PHB2: variants seen among roughly 807,000 people sequenced by gnomAD.
The protein encoded by PHB2 is prohibitin-2.
In PHB2, 22 loss-of-function variants were observed where a neutral mutation model predicts 46.4. That is an observed-to-expected ratio of 0.47 (90% CI 0.34 to 0.68). The LOEUF is 0.68. Among genes scored for constraint, PHB2 ranks in the 30% least tolerant of loss-of-function variants. The pLI, the probability that PHB2 is intolerant of heterozygous loss-of-function variation, is 0.01. For missense variants in PHB2, 305 were observed against 382.8 expected, an observed-to-expected ratio of 0.80 and a Z score of 1.70; for synonymous variants, 156 against 150.5, an observed-to-expected ratio of 1.04 and a Z score of -0.27.
rs1367856475 is a variant in PHB2 at position 6,965,469 on chromosome 12, A to G, written c.*216T>C. 2.6e-5 allele frequency: 16 copies of G among 609,952 alleles called. No individual in the cohort carries two copies. Among genetic ancestry groups the G allele is most frequent in the Middle Eastern group, 4.4e-4 (1 of 2,288 alleles). 37.8% of individuals were successfully genotyped at this position (609,952 alleles called of 1,614,324 possible). ...ACTGAGAAATCACGCACTGTCCCCA[A>G]CAGCCCCAGTTAACACAGGGAGGAG... On this transcript the variant is annotated 3_prime_UTR_variant, in exon 10 of 10. Transcript: ENST00000535923.
Position 6,967,248 on chromosome 12 carries a change from G to T in PHB2, c.712C>A (p.Leu238Ile), listed in dbSNP as rs1012379797. Residue 238 changes from leucine to isoleucine, a missense_variant and splice_region_variant, in exon 7 of 10, where the codon CTT becomes ATT. Around this residue, in one of 3 missense-constraint regions of PHB2, gnomAD observed 241 missense variants for 302.7 expected, o/e 0.80. Coordinates refer to ENST00000535923, the MANE Select transcript of PHB2 (RefSeq NM_001144831.2). This position sits in a 1 kb window ranked among gnomAD's most constrained non-coding sequence, Gnocchi z 4.9. ...GGGTTCTTGCTCAGTGCTTCTCCAA[G>T]GTGAGGAGGGTTAAGGTACACGCAA... ...AEGEAEAAKM[L>I]GEALSKNPGY... 1 of 1,613,624 alleles carries T rather than the reference G, an allele frequency of 6.2e-7. No individual in the cohort carries two copies. The highest frequency in any genetic ancestry group is 1.3e-5 in the African/African-American group (1 of 74,942).
rs1555151179 is a variant in PHB2, at chr12:6,968,007, G to A, written c.492C>T (p.Ile164=). ...ITQRAQVSLL[I]RRELTERAKD... is the part of the protein sequence containing the mutation. ...TGGCCCTCTCTGTCAGCTCCCGGCG[G>A]ATCAACAGGGATACCTGAGGGCAGG... The change falls in exon 5 of 10, where the codon ATC becomes ATT. Residue 164 remains isoleucine, a synonymous_variant. Coordinates refer to ENST00000535923, the MANE Select transcript of PHB2 (RefSeq NM_001144831.2). The A allele has an allele frequency of 6.2e-7, 1 of 1,604,214 alleles. No individual in the cohort carries two copies. The highest frequency in any genetic ancestry group is 8.5e-7 in the Non-Finnish European group (1 of 1,172,860).
rs782488159 is a variant in PHB2, at chr12:6,965,919, G to A, written c.867-3C>T. 16 of 1,598,762 alleles carry A rather than the reference G, an allele frequency of 1.0e-5. No individual in the cohort carries two copies. The highest frequency in any genetic ancestry group is 1.3e-5 in the Non-Finnish European group (15 of 1,179,352). On this transcript the variant is annotated splice_polypyrimidine_tract_variant and splice_region_variant and intron_variant, in intron 8 of 9. Transcript: ENST00000535923. ...AAGCAACAACAGCTTACCTTCCCCT[G>A]TGGTGCCAGATCGCCAGATGAACAA... is the stretch of plus-strand genomic sequence containing the variant.
rs782386763 is a variant in PHB2 at position 6,967,569 on chromosome 12, G to A, written c.711+107C>T. ...CCCCAACAAGGAGCCAAGGGCCAGA[G>A]AGCACGGAGTCGCATTCGCCTTAGT... On this transcript the variant is annotated intron_variant, in intron 6 of 9. Transcript: ENST00000535923. The surrounding 1 kb of genome is among the most constrained non-coding windows in gnomAD (Gnocchi z 4.9). The A allele has an allele frequency of 2.0e-6, 2 of 1,004,514 alleles. No homozygotes were observed. The highest frequency in any genetic ancestry group is 3.1e-5 in the African/African-American group (2 of 63,626). 62.2% of individuals were successfully genotyped at this position (1,004,514 alleles called of 1,614,324 possible). A position where few individuals can be genotyped will look rare whatever the true frequency, so the allele number is the denominator to read the frequency against.
At chr12:6,969,899 CA>C (rs782140561) in intron 2 of PHB2, 52,090 of 449,294 alleles carry the variant, frequency 0.12, 1 homozygote, top group South Asian at 0.14. Flanking sequence ...ACTCCCTCTC[CA>C]AAAAAAAAAA....
At chr12:6,965,768 C>T (rs1418316784) in intron 9 of PHB2, 56 bp from the exon 10 acceptor site, 12 of 1,563,760 alleles carry the variant, frequency 7.7e-6, no homozygotes, top group Non-Finnish European at 1.1e-5. Flanking sequence ...ATGTGAGAGG[C>T]AGGACACTCT....
At chr12:6,969,265 G>C (rs1232710101) in intron 3 of PHB2, among the ~76,000 whole-genome samples, 2 of 152,158 alleles carry the variant, frequency 1.3e-5, no homozygotes, top group Non-Finnish European at 2.9e-5. Context: ...ACAAGACGAG[G>C]GACAAACAAT....
chr12:6,966,368 C>T, intron 8 of PHB2, 56 bp downstream of exon 8: 1 of 1,097,728 alleles, frequency 9.1e-7, no homozygotes, highest in Non-Finnish European at 1.4e-6. Flanking sequence ...GCCCAAACAA[C>T]CAGACTCAGG....
chr12:6,965,516 G>A lies in PHB2; in HGVS notation c.*169C>T, dbSNP rs1565588819. 1 of 666,094 alleles carries A rather than the reference G, an allele frequency of 1.5e-6. No individual in the cohort carries two copies. Among genetic ancestry groups the A allele is most frequent in the Non-Finnish European group, 2.7e-6 (1 of 367,176 alleles). The allele number at this position is 666,094 out of a possible 1,614,324, so 41.3% of individuals were successfully genotyped here. On this transcript the variant is annotated 3_prime_UTR_variant, in exon 10 of 10. Transcript: ENST00000535923. The stretch of plus-strand genomic sequence containing the variant: ...GGAGGAAAGTAATTCCCCAGAAAAG[G>A]GGCTAGTCTTCAGTCTTCCTTAATC...
intron 4 of PHB2, 47 bp from the exon 5 acceptor site, chr12:6,968,068 C>A (rs1254253310): frequency 7.8e-6 from 12 of 1,533,684 alleles, no homozygotes; most frequent in Non-Finnish European, 1.1e-5. Context: ...TTTGAGGGGA[C>A]TGGGGAGCTG....
At chr12:6,970,353 G>C in intron 1 of PHB2, 64 bp downstream of exon 1, 1 of 1,604,030 alleles carries the variant, frequency 6.2e-7, no homozygotes, top group Non-Finnish European at 8.5e-7. Flanking sequence ...AGGGGCGCGG[G>C]GACAGGGCAA....
In PHB2 at chr12:6,965,599, G is replaced by A; in HGVS notation, c.*86C>T. The A allele has an allele frequency of 9.6e-7, 1 of 1,040,514 alleles. No individual in the cohort carries two copies. Among genetic ancestry groups the A allele is most frequent in the East Asian group, 2.5e-5 (1 of 40,786 alleles). The allele number at this position is 1,040,514 out of a possible 1,614,324, so 64.5% of individuals were successfully genotyped here. ...CATCGCATGATACTGGGGCGGGGTA[G>A]GGCTGTGCTGGACCCCTGGCTGGCT... On this transcript the variant is annotated 3_prime_UTR_variant, in exon 10 of 10. Coordinates refer to ENST00000535923, the MANE Select transcript of PHB2 (RefSeq NM_001144831.2).
At chr12:6,970,698 CT>C, upstream of PHB2, 1 of 1,012,574 alleles carries the variant, frequency 9.9e-7, no homozygotes. Context: ...CTTTGAAACC[CT>C]CCCCCTTAGC....
chr12:6,968,282 G>T, intron 4 of PHB2, 129 bp downstream of exon 4: 1 of 741,476 alleles, frequency 1.3e-6, no homozygotes, highest in Non-Finnish European at 2.2e-6. Flanking sequence ...GTGGCAATTA[G>T]CACAGCTTTT....
At position 6,968,163 on chromosome 12, in the gene PHB2, G is replaced by A. The variant is rs1459950535; in HGVS notation, c.478-142C>T. ...CCTGTCAGGCAAACCTGTAACATAA[G>A]CCTCTCTGCTCGAAGAGGTGCAGGA... On this transcript the variant is annotated intron_variant, in intron 4 of 9. Coordinates refer to ENST00000535923, the MANE Select transcript of PHB2 (RefSeq NM_001144831.2). The A allele has an allele frequency of 7.3e-6, 6 of 826,870 alleles. No homozygotes were observed. The African/African-American group carries it at 1.0e-4, about 14-fold the overall frequency. The allele number at this position is 826,870 out of a possible 1,614,324, so 51.2% of individuals were successfully genotyped here. A position where few individuals can be genotyped will look rare whatever the true frequency, so the allele number is the denominator to read the frequency against.
rs1946307684 is a variant in PHB2, at chr12:6,970,586, G to C, written c.-43C>G. On this transcript the variant is annotated 5_prime_UTR_variant, in exon 1 of 10. Transcript: ENST00000535923. The stretch of plus-strand genomic sequence containing the variant: ...GCGGCACTGGAGGTCAGAAGGGGGT[G>C]CCGGCCCGCCTCTACCCCGCTCCGG... 1 of 1,527,140 alleles carries C rather than the reference G, an allele frequency of 6.5e-7. No homozygotes were observed. The highest frequency in any genetic ancestry group is 1.3e-5 in the South Asian group (1 of 77,162). 94.6% of individuals were successfully genotyped at this position (1,527,140 alleles called of 1,614,324 possible). A position where few individuals can be genotyped will look rare whatever the true frequency, so the allele number is the denominator to read the frequency against.
rs1555150970 is a variant in PHB2 at position 6,967,377 on chromosome 12, C to T, written c.712-129G>A. ...TGCGCTCAGGTGGCTTGTGCCCAGC[C>T]CTACCGTGGACCCCACCTGTGGGCC... is the stretch of plus-strand genomic sequence containing the variant. On this transcript the variant is annotated intron_variant, in intron 6 of 9. Transcript: ENST00000535923. The surrounding 1 kb of genome is among the most constrained non-coding windows in gnomAD (Gnocchi z 4.9). The T allele has an allele frequency of 1.2e-6, 2 of 1,608,602 alleles. No individual in the cohort carries two copies. The highest frequency in any genetic ancestry group is 8.5e-7 in the Non-Finnish European group (1 of 1,177,668).
rs781950192 is a variant in PHB2 at position 6,966,592 on chromosome 12, T to C, written c.790-92A>G. 1.8e-5 allele frequency: 15 copies of C among 823,190 alleles called. No individual in the cohort carries two copies. In the African/African-American group the frequency reaches 2.0e-4, roughly 11 times the overall value. The allele number at this position is 823,190 out of a possible 1,614,324, so 51.0% of individuals were successfully genotyped here. ...CAGCAGCTACTTAACATGGAACACA[T>C]GCAGATTAGGGCAGGGGTGCAGCAA... On this transcript the variant is annotated intron_variant, in intron 7 of 9. Transcript: ENST00000535923.
Position 6,967,703 on chromosome 12 carries a change from G to A in PHB2, c.684C>T (p.Ala228=), listed in dbSNP as rs781955146. The A allele has an allele frequency of 6.4e-5, 103 of 1,613,628 alleles. 1 individual carries two copies. The highest frequency in any genetic ancestry group is 3.7e-4 in the South Asian group (34 of 91,078). ...KQEQRQKIVQ[A]EGEAEAAKML... is the part of the protein sequence containing the mutation. Reference sequence around the variant, plus strand: ...TCTTGGCAGCCTCGGCCTCACCCTCGGCCTGCACAATTTTCTGCCGCTGTT... The same window carrying A: ...TCTTGGCAGCCTCGGCCTCACCCTCAGCCTGCACAATTTTCTGCCGCTGTT... The change falls in exon 6 of 10, where the codon GCC becomes GCT. Residue 228 remains alanine, a synonymous_variant. Transcript: ENST00000535923. The surrounding 1 kb of genome is among the most constrained non-coding windows in gnomAD (Gnocchi z 4.9).
Sources: allele counts gnomAD v4.1 joint callset (sites outside exome capture counted in the v4.1 genomes callset), GRCh38; gene constraint gnomAD v4.1.1; regional missense constraint gnomAD v4.1.1; non-coding constraint Gnocchi (gnomAD v3.1); transcripts MANE v1.5; gene names NCBI Gene and HGNC (gene_info 2026-07-23, HGNC 2026-07-21).